The following OSBPL1A variants were observed in gnomAD, a reference collection of about 807,000 sequenced individuals.
OSBPL1A encodes oxysterol-binding protein-related protein 1.
A neutral mutation model predicts 137.1 loss-of-function variants in OSBPL1A; 80 were observed. That is an observed-to-expected ratio of 0.58 (90% confidence interval 0.49 to 0.70). OSBPL1A has a LOEUF of 0.70. Ranked by LOEUF, OSBPL1A falls within the 30% of genes least tolerant of loss-of-function variation. OSBPL1A has a pLI of 0.00. For synonymous variants in OSBPL1A, 365 were observed against 389.7 expected, an observed-to-expected ratio of 0.94 and a Z score of 0.75; for missense variants, 970 against 1,129.4, an observed-to-expected ratio of 0.86 and a Z score of 2.02.
In OSBPL1A at chr18:24,179,732, C is replaced by A. The variant is rs373791236; in HGVS notation, c.1910+6G>T. 3.8e-5 allele frequency: 62 copies of A among 1,612,048 alleles called. No homozygotes were observed. The African/African-American group carries it at 7.2e-4, about 19-fold the overall frequency. ...CTGTATAAAGCATGCAAGTGAAAGG[C>A]CTCACCGCACTAATTCATAAGTCTC... On this transcript the variant is annotated splice_donor_region_variant and intron_variant, in intron 20 of 27. Coordinates refer to ENST00000319481, the MANE Select transcript of OSBPL1A (RefSeq NM_080597.4).
At chr18:24,251,911 G>C (rs557068953) in intron 15 of OSBPL1A, among the ~76,000 whole-genome samples, 19 of 152,242 alleles carry the variant, frequency 1.2e-4, no homozygotes, top group Non-Finnish European at 1.2e-4. Context: ...AAATTCTAGA[G>C]TTGAAAAATG....
intron 4 of OSBPL1A, among the ~76,000 whole-genome samples, chr18:24,361,150 C>T (rs1260983839): frequency 3.3e-5 from 5 of 152,136 alleles, no homozygotes. Flanking sequence ...CCATTTCAGC[C>T]TCCCGAGTAG....
intron 18 of OSBPL1A, among the ~76,000 whole-genome samples, chr18:24,187,673 G>T (rs1294477255): frequency 1.3e-5 from 2 of 152,194 alleles, no homozygotes; most frequent in African/African-American, 4.8e-5. Context: ...ATGCAGACAA[G>T]ATCTCCAAGT....
At chr18:24,391,103 A>G (rs542856180) in intron 1 of OSBPL1A, among the ~76,000 whole-genome samples, 7 of 152,330 alleles carry the variant, frequency 4.6e-5, no homozygotes, top group African/African-American at 1.7e-4. Flanking sequence ...CTCTGTCTCA[A>G]TCGATTGAGG....
At chr18:24,390,539 A>T (rs1907263226) in intron 1 of OSBPL1A, among the ~76,000 whole-genome samples, 2 of 151,790 alleles carry the variant, frequency 1.3e-5, no homozygotes. Context: ...TATTAAAAAT[A>T]CAAAAATTAG....
chr18:24,220,156 AC>A (rs2087841194), intron 17 of OSBPL1A, among the ~76,000 whole-genome samples: 1 of 152,212 alleles, frequency 6.6e-6, no homozygotes, highest in Admixed American at 6.5e-5. Flanking sequence ...GCCTCTGATG[AC>A]AGACACCTGC....
chr18:24,234,441 G>GA (rs1353480524), intron 16 of OSBPL1A, among the ~76,000 whole-genome samples: 2 of 152,070 alleles, frequency 1.3e-5, no homozygotes, highest in African/African-American at 4.8e-5. Context: ...AATTTGTGGG[G>GA]AAAAAAATCT....
chr18:24,190,010 G>T (rs1268693531), intron 18 of OSBPL1A, among the ~76,000 whole-genome samples: 1 of 152,266 alleles, frequency 6.6e-6, no homozygotes, highest in Non-Finnish European at 1.5e-5. Flanking sequence ...AAGAAGGTAA[G>T]AAAAGCTCTA....
intron 4 of OSBPL1A, among the ~76,000 whole-genome samples, chr18:24,355,733 C>G (rs1229431367): frequency 6.6e-6 from 1 of 151,958 alleles, no homozygotes; most frequent in Non-Finnish European, 1.5e-5. Context: ...GCTTGTAAAC[C>G]CAGCACTTTG....
intron 16 of OSBPL1A, among the ~76,000 whole-genome samples, chr18:24,234,291 T>A (rs1260628537): frequency 1.3e-5 from 2 of 152,194 alleles, no homozygotes; most frequent in South Asian, 2.1e-4. Context: ...CTTACAGCTA[T>A]ATCCGAAATT....
intron 18 of OSBPL1A, among the ~76,000 whole-genome samples, chr18:24,182,793 C>T (rs899004541): frequency 2.0e-5 from 3 of 152,158 alleles, no homozygotes; most frequent in Non-Finnish European, 4.4e-5. Context: ...CAGAGATTCA[C>T]TACTGGGGAC....
At chr18:24,175,694 T>A (rs542329172) in intron 21 of OSBPL1A, among the ~76,000 whole-genome samples, 1 of 152,366 alleles carries the variant, frequency 6.6e-6, no homozygotes, top group Non-Finnish European at 1.5e-5. Context: ...TTTGGTATCA[T>A]ATCCATAAGA....
intron 14 of OSBPL1A, among the ~76,000 whole-genome samples, chr18:24,292,870 C>G (rs1258201335): frequency 6.6e-6 from 1 of 151,982 alleles, no homozygotes; most frequent in Admixed American, 6.6e-5. Context: ...CTTTGGGAGG[C>G]TGAAGTGGGT....
intron 1 of OSBPL1A, among the ~76,000 whole-genome samples, chr18:24,384,435 G>A (rs919648258): frequency 1.6e-4 from 24 of 152,212 alleles, no homozygotes; most frequent in African/African-American, 5.1e-4. Context: ...TTAGCCACGG[G>A]TGGTGGCACA....
chr18:24,315,652 A>G (rs987650186), intron 11 of OSBPL1A, among the ~76,000 whole-genome samples: 3 of 128,950 alleles, frequency 2.3e-5, no homozygotes, highest in African/African-American at 9.6e-5. Context: ...AGTAAAATAT[A>G]AAATTATAAT....
intron 18 of OSBPL1A, among the ~76,000 whole-genome samples, chr18:24,186,754 AT>A (rs2145930955): frequency 6.6e-6 from 1 of 152,094 alleles, no homozygotes; most frequent in South Asian, 2.1e-4. Context: ...AAATACAAAA[AT>A]TAGCTGGGCA....
chr18:24,166,213 A>G (rs1306367124), intron 26 of OSBPL1A, among the ~76,000 whole-genome samples: 1 of 152,168 alleles, frequency 6.6e-6, no homozygotes, highest in African/African-American at 2.4e-5. Flanking sequence ...TTATACCAAC[A>G]CACAAAAACA....
intron 15 of OSBPL1A, among the ~76,000 whole-genome samples, chr18:24,248,097 T>C (rs7240834): frequency 0.024 from 3,683 of 152,292 alleles, 158 homozygotes; most frequent in African/African-American, 0.084. Flanking sequence ...AGTCCATCCT[T>C]AGTTGCAGGA....
At chr18:24,265,310 T>C (rs1165845563) in intron 15 of OSBPL1A, among the ~76,000 whole-genome samples, 1 of 152,078 alleles carries the variant, frequency 6.6e-6, no homozygotes, top group Non-Finnish European at 1.5e-5. Context: ...TGAAATCCCA[T>C]CTCTACTAAA....
Sources: allele counts gnomAD v4.1 joint callset (sites outside exome capture counted in the v4.1 genomes callset), GRCh38; gene constraint gnomAD v4.1.1; transcripts MANE v1.5; gene names NCBI Gene and HGNC (gene_info 2026-07-23, HGNC 2026-07-21).